TP63: variants seen among roughly 807,000 people sequenced by gnomAD.
The protein encoded by TP63 is tumor protein p63.
TP63 carries 17 observed loss-of-function variants against 82.8 expected under a neutral mutation model. The observed-to-expected ratio is 0.21, with a 90% confidence interval of 0.14 to 0.31. The LOEUF (loss-of-function observed/expected upper bound fraction) is 0.31. TP63 is among the 10% of genes least tolerant of loss of function. The pLI, the probability that TP63 is intolerant of heterozygous loss-of-function variation, is 1.00. For synonymous variants in TP63, 330 were observed against 321.7 expected (o/e 1.03, Z -0.28); for missense variants, 648 against 895.3 (o/e 0.72, Z 3.52).
the TP63 span, among the ~76,000 whole-genome samples, chr3:189,614,958 T>G: frequency 1.3e-5 from 2 of 152,174 alleles, no homozygotes; most frequent in Admixed American, 1.3e-4. Context: ...CAAAGTAGGG[T>G]GAGGTCCTGG....
At chr3:189,684,636 T>C (rs532597176) in intron 1 of TP63, among the ~76,000 whole-genome samples, 18 of 150,244 alleles carry the variant, frequency 1.2e-4, no homozygotes, top group African/African-American at 3.9e-4. Flanking sequence ...TTCTTTCTTT[T>C]TTTTTTTTTT....
chr3:189,722,398 A>C (rs568836006), intron 1 of TP63, among the ~76,000 whole-genome samples: 1 of 152,358 alleles, frequency 6.6e-6, no homozygotes, highest in South Asian at 2.1e-4. Context: ...AGTTCATCTG[A>C]TAACAAGGTC....
chr3:189,625,644 T>G, the TP63 span, among the ~76,000 whole-genome samples: 1 of 152,170 alleles, frequency 6.6e-6, no homozygotes, highest in Admixed American at 6.5e-5. Flanking sequence ...AAATACACAC[T>G]GAGACATTTA....
At chr3:189,695,422 G>A (rs1340075437) in intron 1 of TP63, among the ~76,000 whole-genome samples, 1 of 151,992 alleles carries the variant, frequency 6.6e-6, no homozygotes. Flanking sequence ...TCTTATATAT[G>A]TCCTGCTTCA....
Position 189,631,538 on chromosome 3 carries a change from G to T in TP63, c.23G>T (p.Cys8Phe), listed in dbSNP as rs775109935. ...GAAATGAATTTTGAAACTTCACGGT[G>T]TGCCACCCTACAGTACTGCCCTGAC... Reference protein sequence around the residue: MNFETSRCATLQYCPDPY... With the variant: MNFETSRFATLQYCPDPY... Residue 8 changes from cysteine to phenylalanine, a missense_variant, in exon 1 of 14, where the codon TGT (cysteine) becomes TTT (phenylalanine). Cys to Phe is a radical substitution (Grantham distance 205). Coordinates refer to ENST00000264731, the MANE Select transcript of TP63 (RefSeq NM_003722.5). The T allele has an allele frequency of 6.2e-7, 1 of 1,612,880 alleles. No homozygotes were observed. The highest frequency in any genetic ancestry group is 1.1e-5 in the South Asian group (1 of 91,062).
chr3:189,643,421 G>C, intron 1 of TP63, among the ~76,000 whole-genome samples: 1 of 150,694 alleles, frequency 6.6e-6, no homozygotes, highest in East Asian at 2.0e-4. Flanking sequence ...GAAACTTGGA[G>C]TCACTTACTT....
intron 1 of TP63, among the ~76,000 whole-genome samples, chr3:189,648,595 A>T (rs1046367764): frequency 6.8e-6 from 1 of 147,474 alleles, no homozygotes; most frequent in Non-Finnish European, 1.5e-5. Flanking sequence ...TTATTGAAAA[A>T]AAGAAACTTT....
the TP63 span, among the ~76,000 whole-genome samples, chr3:189,625,627 T>C: frequency 0.87 from 132,335 of 152,040 alleles, 58,807 homozygotes; most frequent in East Asian, 1. Flanking sequence ...TATTTCCTCA[T>C]TTTAGGAAAT....
chr3:189,614,830 A>G, the TP63 span, among the ~76,000 whole-genome samples: 2 of 152,228 alleles, frequency 1.3e-5, no homozygotes, highest in African/African-American at 4.8e-5. Flanking sequence ...TATGTATATC[A>G]TACCACATGT....
chr3:189,647,636 G>A (rs1712532095), intron 1 of TP63, among the ~76,000 whole-genome samples: 1 of 146,240 alleles, frequency 6.8e-6, no homozygotes, highest in African/African-American at 2.6e-5. Flanking sequence ...CCTTTTTTCA[G>A]TTACGTCATG....
rs767955943 is a variant in TP63 at position 189,652,225 on chromosome 3, G to C, written c.62+20648G>C. On this transcript the variant is annotated intron_variant, in intron 1 of 13. Transcript: ENST00000264731. ...AACCATGAAGGCAGCCAGGAGGGGG[G>C]CTGTACCCTGCAAAGCCACAAGGTG... Among the ~76,000 whole-genome samples the C allele has an allele frequency of 1.4e-5, 2 of 147,048 alleles. 1 individual carries two copies. The highest frequency in any genetic ancestry group is 4.8e-4 in the East Asian group (2 of 4,174).
At chr3:189,612,539 G>A in the TP63 span, among the ~76,000 whole-genome samples, 1 of 152,158 alleles carries the variant, frequency 6.6e-6, no homozygotes, top group African/African-American at 2.4e-5. Flanking sequence ...TCAGCAGCGT[G>A]AAAATGAACT....
intron 4 of TP63, among the ~76,000 whole-genome samples, chr3:189,863,469 C>T (rs1223388444): frequency 4.6e-5 from 7 of 152,132 alleles, no homozygotes; most frequent in African/African-American, 1.7e-4. Context: ...AGCAACTAAC[C>T]ACCACTAAAC....
intron 1 of TP63, among the ~76,000 whole-genome samples, chr3:189,718,319 T>G (rs1310799955): frequency 1.3e-5 from 2 of 151,788 alleles, no homozygotes; most frequent in African/African-American, 4.8e-5. Context: ...GACTGGGAAT[T>G]TACAAACAAA....
At chr3:189,622,959 T>C in the TP63 span, among the ~76,000 whole-genome samples, 1 of 152,318 alleles carries the variant, frequency 6.6e-6, no homozygotes, top group East Asian at 1.9e-4. Flanking sequence ...TTTCTAAGAT[T>C]TTTTTTCTAA....
rs1193293073 is a variant in TP63, at chr3:189,652,304, GA to G, written c.62+20728del. Reference sequence around the variant, plus strand: ...TCTTGTATCAGCGTGTCCTGGATGTGAGACATAAAGTCAAGGAGATCATTTT... The same window carrying G: ...TCTTGTATCAGCGTGTCCTGGATGTGGACATAAAGTCAAGGAGATCATTTT... On this transcript the variant is annotated intron_variant, in intron 1 of 13. Transcript: ENST00000264731. 1.4e-5 allele frequency among the ~76,000 whole-genome samples: 2 copies of G among 146,960 alleles called. 1 individual carries two copies. Among genetic ancestry groups the G allele is most frequent in the African/African-American group, 5.1e-5 (2 of 39,198 alleles).
chr3:189,837,838 T>C (rs1713376022), intron 4 of TP63, among the ~76,000 whole-genome samples: 1 of 152,116 alleles, frequency 6.6e-6, no homozygotes, highest in Non-Finnish European at 1.5e-5. Context: ...TTTCCCAGGC[T>C]GGTCTGGAAC....
At chr3:189,653,532 A>G (rs74601716) in intron 1 of TP63, among the ~76,000 whole-genome samples, 15 of 152,318 alleles carry the variant, frequency 9.8e-5, no homozygotes, top group African/African-American at 3.6e-4. Flanking sequence ...TATGTTATGT[A>G]ATTTTCCTAG....
At chr3:189,753,416 A>G (rs1019914909) in intron 3 of TP63, among the ~76,000 whole-genome samples, 1 of 152,006 alleles carries the variant, frequency 6.6e-6, no homozygotes, top group African/African-American at 2.4e-5. Context: ...GATATCTGAT[A>G]ATTGCTTTTT....
Sources: allele counts gnomAD v4.1 joint callset (sites outside exome capture counted in the v4.1 genomes callset), GRCh38; gene constraint gnomAD v4.1.1; transcripts MANE v1.5; gene names NCBI Gene and HGNC (gene_info 2026-07-23, HGNC 2026-07-21).